RP1L1: variants seen among roughly 807,000 people sequenced by gnomAD.
RP1L1 encodes the protein retinitis pigmentosa 1-like 1 protein.
A neutral mutation model predicts 15.7 loss-of-function variants in RP1L1; 27 were observed. That is an observed-to-expected ratio of 1.72 (90% CI 1.27 to 2.38). The LOEUF (loss-of-function observed/expected upper bound fraction) is 2.38, where lower values mean the gene tolerates loss of function less well. Among genes scored for constraint, RP1L1 ranks in the 30% most tolerant of loss-of-function variants. The pLI is 0.00. For missense variants in RP1L1, 4,798 were observed against 3,075.9 expected (o/e 1.56, Z -13.24); for synonymous variants, 1,813 against 1,276.7 (o/e 1.42, Z -8.96).
intron 2 of RP1L1, chr8:10,621,857 A>G (rs1019799547): frequency 6.7e-6 from 3 of 445,878 alleles, no homozygotes; most frequent in African/African-American, 2.0e-5. Context: ...CTTCCTGCAC[A>G]TGCTGGGAGC....
chr8:10,624,479 T>G (rs899147573), intron 1 of RP1L1, among the ~76,000 whole-genome samples: 7 of 152,216 alleles, frequency 4.6e-5, no homozygotes, highest in Non-Finnish European at 1.0e-4. Context: ...GAGGAGGTGA[T>G]GCAGAGACTC....
intron 2 of RP1L1, chr8:10,621,889 C>T (rs1015062212): frequency 2.4e-6 from 1 of 418,724 alleles, no homozygotes; most frequent in Non-Finnish European, 4.9e-6. Context: ...ACCCAGCTTC[C>T]AATTCACTCT....
At chr8:10,649,843 A>C (rs540696646) in intron 1 of RP1L1, among the ~76,000 whole-genome samples, 1 of 152,148 alleles carries the variant, frequency 6.6e-6, no homozygotes, top group Non-Finnish European at 1.5e-5. Context: ...TCTTCCTGGA[A>C]AGAGATAGTG....
chr8:10,626,059 G>C (rs1437973337), intron 1 of RP1L1, among the ~76,000 whole-genome samples: 8 of 152,146 alleles, frequency 5.3e-5, no homozygotes, highest in Non-Finnish European at 1.0e-4. Context: ...AGAAAAAATA[G>C]AAGTCACAGG....
chr8:10,653,504 AAACT>A (rs752655253), intron 1 of RP1L1, among the ~76,000 whole-genome samples: 8 of 148,968 alleles, frequency 5.4e-5, no homozygotes, highest in Non-Finnish European at 1.0e-4. Flanking sequence ...GTGCACTCGT[AAACT>A]AACACATGCA....
intron 3 of RP1L1, 115 bp downstream of exon 3, chr8:10,616,331 C>G (rs1797964233): frequency 1.5e-6 from 2 of 1,375,638 alleles, no homozygotes; most frequent in Non-Finnish European, 2.1e-6. Context: ...ACTGGGATAC[C>G]CAAGATCTGG....
rs371519198 is a variant in RP1L1 at position 10,611,702 on chromosome 8, G to A, written c.2396C>T (p.Thr799Met). 151 of 1,613,434 alleles carry A rather than the reference G, an allele frequency of 9.4e-5. No individual in the cohort carries two copies. The highest frequency in any genetic ancestry group is 1.5e-4 in the African/African-American group (11 of 74,940). ...AACCAAGGGTGAGGAGGGCTGAGGC[G>A]TGTCCCTGGCCTCTTCCCCCAGGCT... ...AASLGEEARD[T>M]PQPSSPLVLQ... The change falls in exon 4 of 4, where the codon ACG (threonine) becomes ATG (methionine). Residue 799 changes from threonine (T) to methionine (M), a missense_variant. Coordinates refer to ENST00000382483, the MANE Select transcript of RP1L1 (RefSeq NM_178857.6).
At position 10,607,584 on chromosome 8, in the gene RP1L1, C is replaced by T. The variant is rs772387566; in HGVS notation, c.6514G>A (p.Glu2172Lys). 2.6e-6 allele frequency: 4 copies of T among 1,567,218 alleles called. No homozygotes were observed. Reference protein sequence around the residue: ...EGIEAQEAEEEAQPELEGVEA... With the variant: ...EGIEAQEAEEKAQPELEGVEA... ...ACACCTTCTAACTCTGGTTGGGCCTCCTCTTCAGCCTCCTGGGCCTCTATA... is the reference window on the plus strand; with the variant it reads ...ACACCTTCTAACTCTGGTTGGGCCTTCTCTTCAGCCTCCTGGGCCTCTATA... The change falls in exon 4 of 4, where the codon GAG (glutamate) becomes AAG (lysine). Residue 2172 changes from glutamate to lysine, a missense_variant. Transcript: ENST00000382483.
intron 3 of RP1L1, among the ~76,000 whole-genome samples, chr8:10,615,666 C>A (rs944116316): frequency 6.6e-6 from 1 of 151,910 alleles, no homozygotes; most frequent in Admixed American, 6.6e-5. Context: ...GTAGCTGGGA[C>A]CACGGGTATG....
chr8:10,617,682 G>C (rs912207104), intron 2 of RP1L1, among the ~76,000 whole-genome samples: 6 of 150,510 alleles, frequency 4.0e-5, no homozygotes, highest in Non-Finnish European at 8.9e-5. Flanking sequence ...TCAGCCTCCG[G>C]AGTAGCTGGG....
In RP1L1 at chr8:10,607,273, G is replaced by C; in HGVS notation, c.6825C>G (p.Asp2275Glu). 1 of 1,614,226 alleles carries C rather than the reference G, an allele frequency of 6.2e-7. No homozygotes were observed. The highest frequency in any genetic ancestry group is 8.5e-7 in the Non-Finnish European group (1 of 1,180,036). ...ASESSSPVPEDRPTPPPSPGG... is the reference protein window; with the variant it reads ...ASESSSPVPEERPTPPPSPGG... ...CTGGGGAAGGGGGTGGAGTGGGCCT[G>C]TCCTCAGGGACTGGGCTGCTGCTTT... Residue 2275 changes from aspartate (D) to glutamate (E), a missense_variant, in exon 4 of 4, where the codon GAC becomes GAG. Asp to Glu is a conservative substitution (Grantham distance 45). Transcript: ENST00000382483.
At chr8:10,647,740 T>A (rs567074259) in intron 1 of RP1L1, among the ~76,000 whole-genome samples, 10 of 152,252 alleles carry the variant, frequency 6.6e-5, no homozygotes, top group Non-Finnish European at 8.8e-5. Context: ...TCCATTCACT[T>A]ATTGATGAAT....
chr8:10,649,181 C>G (rs1308325975), intron 1 of RP1L1, among the ~76,000 whole-genome samples: 1 of 152,230 alleles, frequency 6.6e-6, no homozygotes, highest in Non-Finnish European at 1.5e-5. Context: ...TTCAAACAAC[C>G]CACAGACACA....
At chr8:10,629,555 G>A (rs1397933832) in intron 1 of RP1L1, among the ~76,000 whole-genome samples, 1 of 152,174 alleles carries the variant, frequency 6.6e-6, no homozygotes, top group African/African-American at 2.4e-5. Flanking sequence ...AACCACAGGT[G>A]TGGTCCCAAG....
At chr8:10,636,226 A>T (rs1798327846) in intron 1 of RP1L1, among the ~76,000 whole-genome samples, 1 of 152,108 alleles carries the variant, frequency 6.6e-6, no homozygotes, top group Admixed American at 6.5e-5. Context: ...CAGGACACCC[A>T]ATATCTTGGC....
intron 2 of RP1L1, among the ~76,000 whole-genome samples, chr8:10,617,416 A>G (rs1168323056): frequency 3.0e-4 from 45 of 150,076 alleles, no homozygotes; most frequent in African/African-American, 5.8e-4. Flanking sequence ...AAAAAAAAAA[A>G]AAAAAGAAAA....
At chr8:10,647,828 C>G (rs1027027441) in intron 1 of RP1L1, among the ~76,000 whole-genome samples, 1 of 152,194 alleles carries the variant, frequency 6.6e-6, no homozygotes, top group Non-Finnish European at 1.5e-5. Context: ...TTTCAAGACC[C>G]TGTTTTCAAT....
At chr8:10,654,125 C>G (rs968852399) in intron 1 of RP1L1, among the ~76,000 whole-genome samples, 1 of 152,162 alleles carries the variant, frequency 6.6e-6, no homozygotes, top group Non-Finnish European at 1.5e-5. Context: ...GCTCACTTGC[C>G]GTTGGAACCA....
rs1269040605 is a variant in RP1L1 at position 10,610,383 on chromosome 8, G to C, written c.3715C>G (p.Pro1239Ala). 2.5e-6 allele frequency: 4 copies of C among 1,613,988 alleles called. No homozygotes were observed. Among genetic ancestry groups the C allele is most frequent in the Non-Finnish European group, 3.4e-6 (4 of 1,180,052 alleles). Residue 1239 changes from proline (P) to alanine (A), a missense_variant, in exon 4 of 4, where the codon CCT (proline) becomes GCT (alanine). Transcript: ENST00000382483. ...GGGCTCTCATAAGTTCTTGAATCAG[G>C]CCTCTGGTTGGAGGTTTTCAGGGGC... is the stretch of plus-strand genomic sequence containing the variant. ...ELPLKTSNQRPDSRTYESPGD... is the reference protein window; with the variant it reads ...ELPLKTSNQRADSRTYESPGD...
Sources: allele counts gnomAD v4.1 joint callset (sites outside exome capture counted in the v4.1 genomes callset), GRCh38; gene constraint gnomAD v4.1.1; transcripts MANE v1.5; gene names NCBI Gene and HGNC (gene_info 2026-07-23, HGNC 2026-07-21).